KLHL6: variants seen among roughly 807,000 people sequenced by gnomAD.
KLHL6 encodes kelch-like protein 6.
KLHL6 carries 41 observed loss-of-function variants against 58.6 expected under a neutral mutation model. That is an observed-to-expected ratio of 0.70 (90% CI 0.55 to 0.91). KLHL6 has a LOEUF of 0.91. Among genes scored for constraint, KLHL6 ranks in the 40% least tolerant of loss-of-function variants. The probability of loss-of-function intolerance (pLI) is 0.00; values close to 1 mark genes in which losing one functional copy is unlikely to be tolerated. For missense variants in KLHL6, 714 were observed against 805.6 expected (o/e 0.89, Z 1.38); for synonymous variants, 338 against 322.7 (o/e 1.05, Z -0.51).
chr3:183,555,467 C>G lies in KLHL6; in HGVS notation c.187G>C (p.Glu63Gln). ...AGAGCGTTTTCCATTCGCAGGGTTTCCAGGCCATTCTGAAGAATTAAGGAG... is the reference window on the plus strand; with the variant it reads ...AGAGCGTTTTCCATTCGCAGGGTTTGCAGGCCATTCTGAAGAATTAAGGAG... ...GLSLILQNGLETLRMENALTD... is the reference protein window; with the variant it reads ...GLSLILQNGLQTLRMENALTD... Residue 63 changes from glutamate to glutamine, a missense_variant, in exon 1 of 7, where the codon GAA becomes CAA. Physicochemically the swap from Glu to Gln is conservative, Grantham distance 29. This residue lies in a region of KLHL6 where 204 missense variants were observed against 175.9 expected (regional missense o/e 1.16). Coordinates refer to ENST00000341319, the MANE Select transcript of KLHL6 (RefSeq NM_130446.4). 1 of 1,614,150 alleles carries G rather than the reference C, an allele frequency of 6.2e-7. No homozygotes were observed. The highest frequency in any genetic ancestry group is 8.5e-7 in the Non-Finnish European group (1 of 1,180,024).
intron 2 of KLHL6, chr3:183,520,600 T>TC (rs1161180030): frequency 6.6e-6 from 1 of 151,404 alleles, no homozygotes; most frequent in Non-Finnish European, 1.5e-5. Flanking sequence ...GGGGAGAGGG[T>TC]CAGCAGGAAA....
rs572099284 is a variant in KLHL6, at chr3:183,555,482, G to A, written c.172C>T (p.Leu58Phe). ...CGCAGGGTTTCCAGGCCATTCTGAAGAATTAAGGAGAGTCCCGCGTCGTCA... is the reference window on the plus strand; with the variant it reads ...CGCAGGGTTTCCAGGCCATTCTGAAAAATTAAGGAGAGTCCCGCGTCGTCA... ...KFDDAGLSLI[L>F]QNGLETLRME... The change falls in exon 1 of 7, where the codon CTT becomes TTT. Residue 58 changes from leucine to phenylalanine, a missense_variant. Around this residue, in one of 2 missense-constraint regions of KLHL6, gnomAD observed 204 missense variants for 175.9 expected, o/e 1.16. Coordinates refer to ENST00000341319, the MANE Select transcript of KLHL6 (RefSeq NM_130446.4). The A allele has an allele frequency of 3.1e-6, 5 of 1,614,158 alleles. No homozygotes were observed. Among genetic ancestry groups the A allele is most frequent in the Non-Finnish European group, 3.4e-6 (4 of 1,180,020 alleles).
chr3:183,511,623 T>C (rs1316296900), intron 2 of KLHL6, among the ~76,000 whole-genome samples: 1 of 152,240 alleles, frequency 6.6e-6, no homozygotes, highest in Non-Finnish European at 1.5e-5. Flanking sequence ...CCCTGCGGCT[T>C]TCTGCAGTGC....
At chr3:183,538,720 ATCTC>A (rs1050583735) in intron 1 of KLHL6, among the ~76,000 whole-genome samples, 9 of 152,202 alleles carry the variant, frequency 5.9e-5, no homozygotes, top group Admixed American at 3.3e-4. Flanking sequence ...ATGACATGGC[ATCTC>A]TCTCTATGGT....
intron 3 of KLHL6, among the ~76,000 whole-genome samples, chr3:183,506,337 A>G (rs1342249470): frequency 1.3e-5 from 2 of 152,230 alleles, no homozygotes; most frequent in Non-Finnish European, 2.9e-5. Context: ...TAATCATTCA[A>G]CAAGCATTTA....
intron 1 of KLHL6, among the ~76,000 whole-genome samples, chr3:183,530,348 A>G (rs1295146478): frequency 6.6e-6 from 1 of 152,208 alleles, no homozygotes; most frequent in Non-Finnish European, 1.5e-5. Flanking sequence ...GAAATGAGGA[A>G]CACGTATTGG....
Position 183,499,754 on chromosome 3 carries a change from G to C in KLHL6, c.983C>G (p.Thr328Arg). Residue 328 changes from threonine to arginine, a missense_variant, in exon 4 of 7, where the codon ACG becomes AGG. Thr to Arg is a moderately conservative substitution (Grantham distance 71). This residue lies in a region of KLHL6 where 510 missense variants were observed against 629.7 expected (regional missense o/e 0.81). Transcript: ENST00000341319. The surrounding 1 kb of genome is among the most constrained non-coding windows in gnomAD (Gnocchi z 4.6). ...CTCTGCCACAAACCGTTCATCCTTC[G>C]TGCAGCCGCCAATGATCATGAACAC... Reference protein sequence around the residue: ...SEVFMIIGGCTKDERFVAEVT... With the variant: ...SEVFMIIGGCRKDERFVAEVT... The C allele has an allele frequency of 6.2e-7, 1 of 1,609,584 alleles. No individual in the cohort carries two copies. Among genetic ancestry groups the C allele is most frequent in the Non-Finnish European group, 8.5e-7 (1 of 1,178,170 alleles).
chr3:183,504,673 A>G (rs1057498311), intron 3 of KLHL6, among the ~76,000 whole-genome samples: 1 of 152,216 alleles, frequency 6.6e-6, no homozygotes, highest in East Asian at 1.9e-4. Context: ...AAGGCACAGT[A>G]TATGTTTAAA....
chr3:183,502,786 C>A (rs1420245081), intron 3 of KLHL6, among the ~76,000 whole-genome samples: 1 of 152,206 alleles, frequency 6.6e-6, no homozygotes, highest in Non-Finnish European at 1.5e-5. Context: ...CCAGCTAAAC[C>A]ACTCCTACAT....
At chr3:183,543,513 C>T (rs757449782) in intron 1 of KLHL6, among the ~76,000 whole-genome samples, 43 of 152,192 alleles carry the variant, frequency 2.8e-4, no homozygotes, top group Non-Finnish European at 5.7e-4. Context: ...TGCTAGTCAC[C>T]TGACACTTTC....
intron 5 of KLHL6, chr3:183,493,681 A>C (rs1051750449): frequency 5.0e-6 from 1 of 198,102 alleles, no homozygotes; most frequent in African/African-American, 2.3e-5. Context: ...CTCTGGGTTC[A>C]TAAACGGTGT....
At chr3:183,534,137 TTTAAAG>T (rs1160910614) in intron 1 of KLHL6, among the ~76,000 whole-genome samples, 9 of 140,838 alleles carry the variant, frequency 6.4e-5, no homozygotes, top group Non-Finnish European at 1.1e-4. Flanking sequence ...ACTTTGTACT[TTTAAAG>T]TACTTTAAAA....
intron 1 of KLHL6, among the ~76,000 whole-genome samples, chr3:183,545,697 C>CA (rs1006837916): frequency 5.3e-5 from 8 of 151,922 alleles, no homozygotes; most frequent in Non-Finnish European, 1.0e-4. Flanking sequence ...ACTCCCAGTG[C>CA]AAAAAAACAA....
At chr3:183,550,079 G>A (rs1253078157) in intron 1 of KLHL6, among the ~76,000 whole-genome samples, 7 of 151,932 alleles carry the variant, frequency 4.6e-5, no homozygotes, top group Admixed American at 4.6e-4. Context: ...ACAAGAACAG[G>A]ATGTTATAAA....
chr3:183,501,531 A>C (rs1050797349), intron 3 of KLHL6, among the ~76,000 whole-genome samples: 2 of 152,170 alleles, frequency 1.3e-5, no homozygotes, highest in African/African-American at 2.4e-5. Context: ...CTTATCTGCA[A>C]TGCTTGCTCT....
At chr3:183,493,958 G>A (rs939785096) in intron 5 of KLHL6, 121 bp downstream of exon 5, 4 of 872,846 alleles carry the variant, frequency 4.6e-6, no homozygotes, top group African/African-American at 1.7e-5. Context: ...CACCAAAACT[G>A]TTCTCCTTGG....
intron 2 of KLHL6, among the ~76,000 whole-genome samples, chr3:183,524,261 G>A (rs144556941): frequency 6.6e-6 from 1 of 152,178 alleles, no homozygotes; most frequent in East Asian, 1.9e-4. Context: ...GTTAAGGAAA[G>A]GGAGACCTTT....
intron 1 of KLHL6, among the ~76,000 whole-genome samples, chr3:183,554,890 C>T (rs950058995): frequency 1.3e-5 from 2 of 152,146 alleles, no homozygotes; most frequent in Admixed American, 1.3e-4. Flanking sequence ...ATAAGCCGGG[C>T]GCAGCGTCTC....
intron 2 of KLHL6, among the ~76,000 whole-genome samples, chr3:183,516,764 T>C (rs1347045996): frequency 6.6e-6 from 1 of 152,268 alleles, no homozygotes; most frequent in African/African-American, 2.4e-5. Flanking sequence ...TTGATCATGG[T>C]GTCCAAGTGG....
Sources: gnomAD v4.1 joint callset for allele counts (sites outside exome capture counted in the v4.1 genomes callset) on GRCh38, gnomAD v4.1.1 for gene constraint, gnomAD v4.1.1 regional missense constraint, Gnocchi (gnomAD v3.1) non-coding constraint, MANE v1.5 for transcripts, NCBI Gene and HGNC (gene_info 2026-07-23, HGNC 2026-07-21) for gene names.